The following DCAF17 variants were observed in gnomAD, a reference collection of about 807,000 sequenced individuals.
The protein encoded by DCAF17 is DDB1- and CUL4-associated factor 17.
A neutral mutation model predicts 66.0 loss-of-function variants in DCAF17; 48 were observed. That is an observed-to-expected ratio of 0.73 (90% CI 0.58 to 0.92). The LOEUF (loss-of-function observed/expected upper bound fraction) is 0.92, where lower values mean the gene tolerates loss of function less well. Among genes scored for constraint, DCAF17 ranks in the 40% least tolerant of loss-of-function variants. The probability of loss-of-function intolerance (pLI) is 0.00; values close to 1 mark genes in which losing one functional copy is unlikely to be tolerated. For missense variants in DCAF17, 562 were observed against 622.8 expected, an observed-to-expected ratio of 0.90 and a Z score of 1.04; for synonymous variants, 206 against 214.6, an observed-to-expected ratio of 0.96 and a Z score of 0.35.
intron 11 of DCAF17, among the ~76,000 whole-genome samples, chr2:171,477,429 A>G (rs1696548360): frequency 6.6e-6 from 1 of 151,534 alleles, no homozygotes; most frequent in African/African-American, 2.4e-5. Flanking sequence ...TGAATGAGGC[A>G]GCTAATCTAT....
At chr2:171,445,935 G>A (rs992733561) in intron 3 of DCAF17, among the ~76,000 whole-genome samples, 1 of 151,984 alleles carries the variant, frequency 6.6e-6, no homozygotes, top group Non-Finnish European at 1.5e-5. Context: ...TGCCCGCCTT[G>A]GCCTCCCAAA....
At chr2:171,468,287 A>C (rs1243126761) in intron 8 of DCAF17, among the ~76,000 whole-genome samples, 1 of 152,144 alleles carries the variant, frequency 6.6e-6, no homozygotes. Flanking sequence ...GTCTGATGAT[A>C]ATAGTGGTAG....
At chr2:171,447,487 A>G (rs750787386) in intron 3 of DCAF17, 20 of 196,080 alleles carry the variant, frequency 1.0e-4, no homozygotes, top group African/African-American at 4.1e-4. Flanking sequence ...CAGCCTCCCA[A>G]GTAGCTGGGA....
intron 12 of DCAF17, chr2:171,479,833 A>G (rs554256533): frequency 1.6e-5 from 9 of 550,416 alleles, no homozygotes; most frequent in Non-Finnish European, 2.6e-5. Context: ...TCTGTAGGAT[A>G]CTGCTTAACT....
intron 3 of DCAF17, among the ~76,000 whole-genome samples, chr2:171,445,608 G>A (rs376463360): frequency 5.3e-5 from 8 of 152,188 alleles, no homozygotes; most frequent in African/African-American, 1.9e-4. Context: ...AAAATATTTC[G>A]AACGTATTAT....
rs747334764 is a variant in DCAF17, at chr2:171,457,981, A to G, written c.638A>G (p.Asn213Ser). 6.2e-7 allele frequency: 1 copy of G among 1,614,032 alleles called. No individual in the cohort carries two copies. Among genetic ancestry groups the G allele is most frequent in the South Asian group, 1.1e-5 (1 of 91,078 alleles). The change falls in exon 7 of 14, where the codon AAC becomes AGC. Residue 213 changes from asparagine (N) to serine (S), a missense_variant. By Grantham distance (46) the Asn-to-Ser change is conservative (BLOSUM62 1). Transcript: ENST00000375255. The part of the protein sequence containing the change: ...ILEINKKIFG[N>S]VTDATLSHGI... ...CTTTCCCCCCGCCAGATTTTTGGGA[A>G]CGTTACAGATGCTACCTTGTCTCAT... is the stretch of plus-strand genomic sequence containing the variant.
intron 3 of DCAF17, among the ~76,000 whole-genome samples, chr2:171,444,650 T>A (rs921578766): frequency 2.8e-4 from 42 of 152,176 alleles, no homozygotes; most frequent in African/African-American, 1.0e-3. Flanking sequence ...CTGTATTTGT[T>A]TTCTATAGGA....
intron 3 of DCAF17, chr2:171,447,553 G>T (rs930114112): frequency 1.7e-5 from 3 of 171,520 alleles, no homozygotes; most frequent in African/African-American, 7.2e-5. Context: ...TAGTAGAGAT[G>T]GGGTTTCGCC....
At chr2:171,473,820 T>G (rs1696373046) in intron 9 of DCAF17, 46 bp from the exon 10 acceptor site, 4 of 1,479,106 alleles carry the variant, frequency 2.7e-6, no homozygotes, top group Middle Eastern at 1.9e-4. Context: ...TAAAATCATT[T>G]GATTTTCCCT....
rs778451530 is a variant in DCAF17 at position 171,458,445 on chromosome 2, C to T, written c.806C>T (p.Pro269Leu). The T allele has an allele frequency of 1.9e-6, 3 of 1,613,846 alleles. No individual in the cohort carries two copies. The highest frequency in any genetic ancestry group is 1.7e-6 in the Non-Finnish European group (2 of 1,179,876). The stretch of plus-strand genomic sequence containing the variant: ...ACTACTGGAACTGTAGGAGAGGCTC[C>T]TTTTGGCATTCCTTGTAATATTAAA... Reference protein sequence around the residue: ...GGTTGTVGEAPFGIPCNIKIT... With the variant: ...GGTTGTVGEALFGIPCNIKIT... Residue 269 changes from proline to leucine, a missense_variant, in exon 8 of 14, where the codon CCT (proline) becomes CTT (leucine). Physicochemically the swap from Pro to Leu is moderately conservative, Grantham distance 98. This residue lies in a region of DCAF17 where 348 missense variants were observed against 355.9 expected (regional missense o/e 0.98). Transcript: ENST00000375255.
intron 6 of DCAF17, among the ~76,000 whole-genome samples, chr2:171,457,286 CTG>C (rs1400750432): frequency 1.3e-5 from 2 of 152,164 alleles, no homozygotes; most frequent in Non-Finnish European, 2.9e-5. Context: ...AAGTAATAAA[CTG>C]TTTCTATTTA....
chr2:171,453,263 G>T (rs1361561910), intron 6 of DCAF17, 50 bp downstream of exon 6: 1 of 1,295,940 alleles, frequency 7.7e-7, no homozygotes. Flanking sequence ...ACAATAAGTT[G>T]TAATGTCATT....
chr2:171,446,153 GTTTGT>G (rs1260362089), intron 3 of DCAF17, among the ~76,000 whole-genome samples: 11 of 152,072 alleles, frequency 7.2e-5, no homozygotes, highest in African/African-American at 2.7e-4. Flanking sequence ...AAGGAACATT[GTTTGT>G]TTTCTCTTCT....
At position 171,483,182 on chromosome 2, in the gene DCAF17, AGT is replaced by A. The variant is rs755750047; in HGVS notation, c.*2071_*2072del. ...TGAAGCATGCTTCCCAGCTCGCCAG[AGT>A]GTCACACAGCTGCTCATTCTGCCAC... On this transcript the variant is annotated 3_prime_UTR_variant, in exon 14 of 14. Coordinates refer to ENST00000375255, the MANE Select transcript of DCAF17 (RefSeq NM_025000.4). The A allele has an allele frequency of 1.2e-4, 56 of 454,000 alleles. No homozygotes were observed. Among genetic ancestry groups the A allele is most frequent in the Non-Finnish European group, 2.0e-4 (45 of 226,792 alleles). The allele number at this position is 454,000 out of a possible 1,614,324, so 28.1% of individuals were successfully genotyped here.
chr2:171,478,865 C>T (rs1033522245), intron 12 of DCAF17, among the ~76,000 whole-genome samples: 1 of 152,104 alleles, frequency 6.6e-6, no homozygotes, highest in East Asian at 1.9e-4. Flanking sequence ...AAGCAACATA[C>T]TCTGCATATA....
chr2:171,458,311 C>G (rs1695377158), intron 7 of DCAF17, 61 bp from the exon 8 acceptor site: 3 of 1,393,850 alleles, frequency 2.2e-6, no homozygotes, highest in Middle Eastern at 1.9e-4. Flanking sequence ...TATTTTTGTT[C>G]TCTCCAGATA....
Position 171,480,197 on chromosome 2 carries a change from A to T in DCAF17, c.1422+4A>T. ...ACTAGTGGAGTCATGGGATGTGGTGAGTAGAGTCCGTGGGATACAAAGTTG... is the reference window on the plus strand; with the variant it reads ...ACTAGTGGAGTCATGGGATGTGGTGTGTAGAGTCCGTGGGATACAAAGTTG... On this transcript the variant is annotated splice_donor_region_variant and intron_variant, in intron 13 of 13. Transcript: ENST00000375255. 6.2e-7 allele frequency: 1 copy of T among 1,613,116 alleles called. No homozygotes were observed. The highest frequency in any genetic ancestry group is 8.5e-7 in the Non-Finnish European group (1 of 1,179,574).
chr2:171,480,418 T>C (rs115034842), intron 13 of DCAF17, among the ~76,000 whole-genome samples: 298 of 152,172 alleles, frequency 2.0e-3, no homozygotes, highest in African/African-American at 6.3e-3. Context: ...CTTCATGTGT[T>C]TTCCTGAGAC....
chr2:171,481,568 A>T lies in DCAF17; in HGVS notation c.*454A>T, dbSNP rs184741043. 2.2e-6 allele frequency: 1 copy of T among 454,032 alleles called. No homozygotes were observed. Among genetic ancestry groups the T allele is most frequent in the East Asian group, 6.9e-5 (1 of 14,416 alleles). 28.1% of individuals were successfully genotyped at this position (454,032 alleles called of 1,614,324 possible). On this transcript the variant is annotated 3_prime_UTR_variant, in exon 14 of 14. Coordinates refer to ENST00000375255, the MANE Select transcript of DCAF17 (RefSeq NM_025000.4). ...CCTCTATACCAAACTTTGCTTAAGG[A>T]TGAGAAATGAGATGTGTTATGTGAG...
Sources: allele counts gnomAD v4.1 joint callset (sites outside exome capture counted in the v4.1 genomes callset), GRCh38; gene constraint gnomAD v4.1.1; regional missense constraint gnomAD v4.1.1; transcripts MANE v1.5; gene names NCBI Gene and HGNC (gene_info 2026-07-23, HGNC 2026-07-21).